Variants in ALDH8A1 observed in about 807,000 individuals in gnomAD.
ALDH8A1 encodes aldehyde dehydrogenase 8 family member A1.
ALDH8A1 carries 39 observed loss-of-function variants against 43.3 expected under a neutral mutation model. The observed-to-expected ratio is 0.90, with a 90% CI of 0.70 to 1.18. ALDH8A1 has a LOEUF of 1.18. ALDH8A1 is among the 50% of genes most tolerant of loss of function. ALDH8A1 has a pLI of 0.00. For missense variants in ALDH8A1, 605 were observed against 622.6 expected (o/e 0.97, Z 0.30); for synonymous variants, 233 against 243.5 (o/e 0.96, Z 0.40).
rs191974654 is a variant in ALDH8A1, at chr6:134,936,438, C to T, written c.592+2828G>A. Among the ~76,000 whole-genome samples the T allele has an allele frequency of 6.8e-3, 1,032 of 152,250 alleles. 6 individuals are homozygous for T. Among genetic ancestry groups the T allele is most frequent in the Non-Finnish European group, 0.012 (827 of 68,030 alleles). ...GGATCCCCCTCAGTAGGTGATGCGACGAAACAAGGACAAGTCTCCCACAGT... is the reference window on the plus strand; with the variant it reads ...GGATCCCCCTCAGTAGGTGATGCGATGAAACAAGGACAAGTCTCCCACAGT... On this transcript the variant is annotated intron_variant, in intron 4 of 6. Transcript: ENST00000265605.
intron 1 of ALDH8A1, among the ~76,000 whole-genome samples, chr6:134,944,621 T>C (rs1239371486): frequency 3.9e-5 from 6 of 152,146 alleles, no homozygotes; most frequent in Admixed American, 1.3e-4. Context: ...TGGTGGCTCA[T>C]GCCTGTAATC....
chr6:134,946,458 A>G (rs1037002360), intron 1 of ALDH8A1, among the ~76,000 whole-genome samples: 39 of 152,358 alleles, frequency 2.6e-4, no homozygotes, highest in African/African-American at 9.1e-4. Flanking sequence ...ATGTCCATGT[A>G]ATATAGAATA....
At position 134,923,229 on chromosome 6, in the gene ALDH8A1, C is replaced by T. The variant is rs368328932; in HGVS notation, c.1012-4362G>A. Among the ~76,000 whole-genome samples the T allele has an allele frequency of 9.2e-5, 14 of 151,944 alleles. No homozygotes were observed. In the South Asian group the frequency reaches 1.5e-3, roughly 16 times the overall value. ...ATAATTTTTAGAGACAGGGTTTTGC[C>T]ATGTTGCCCAGGCTGCTCTGGAACA... On this transcript the variant is annotated intron_variant, in intron 6 of 6. Transcript: ENST00000265605.
intron 6 of ALDH8A1, among the ~76,000 whole-genome samples, chr6:134,922,038 A>G (rs141643659): frequency 2.2e-4 from 34 of 152,370 alleles, no homozygotes; most frequent in Admixed American, 3.9e-4. Flanking sequence ...GTGTAAAGCC[A>G]TATCTCATTT....
At chr6:134,941,945 C>A (rs1000124967) in intron 3 of ALDH8A1, among the ~76,000 whole-genome samples, 19 of 151,572 alleles carry the variant, frequency 1.3e-4, no homozygotes, top group African/African-American at 4.6e-4. Context: ...TGAGGCCTGG[C>A]GTGGTGGCTC....
At chr6:134,923,349 A>G (rs1275548870) in intron 6 of ALDH8A1, among the ~76,000 whole-genome samples, 1 of 151,910 alleles carries the variant, frequency 6.6e-6, no homozygotes, top group Admixed American at 6.6e-5. Context: ...TAAAAAAAAA[A>G]GAAAGAAAAA....
chr6:134,922,634 C>A (rs749414572), intron 6 of ALDH8A1, among the ~76,000 whole-genome samples: 1 of 152,008 alleles, frequency 6.6e-6, no homozygotes, highest in Admixed American at 6.6e-5. Context: ...GTGATCCACC[C>A]GCCTCAGCCA....
chr6:134,924,157 G>A (rs565666472), intron 6 of ALDH8A1, among the ~76,000 whole-genome samples: 9 of 152,234 alleles, frequency 5.9e-5, no homozygotes, highest in African/African-American at 2.2e-4. Flanking sequence ...AAGGAGGGCC[G>A]GCCAGAGAGG....
intron 6 of ALDH8A1, among the ~76,000 whole-genome samples, chr6:134,924,384 G>T (rs1776852616): frequency 6.6e-6 from 1 of 152,154 alleles, no homozygotes; most frequent in African/African-American, 2.4e-5. Context: ...TTTCTACAAG[G>T]ATGTTTATAC....
intron 3 of ALDH8A1, 94 bp downstream of exon 3, chr6:134,942,315 T>C: frequency 7.2e-7 from 1 of 1,381,134 alleles, no homozygotes; most frequent in African/African-American, 1.5e-5. Flanking sequence ...AGCTCTTCCT[T>C]TTCTTTAACC....
chr6:134,950,031 A>G lies in ALDH8A1; in HGVS notation c.23T>C (p.Leu8Ser). 2 of 1,612,750 alleles carry G rather than the reference A, an allele frequency of 1.2e-6. No individual in the cohort carries two copies. Among genetic ancestry groups the G allele is most frequent in the Non-Finnish European group, 8.5e-7 (1 of 1,179,400 alleles). Residue 8 changes from leucine to serine, a missense_variant, in exon 1 of 7, where the codon TTG becomes TCG. By Grantham distance (145) the Leu-to-Ser change is moderately radical. Transcript: ENST00000265605. The part of the protein sequence containing the change: MAGTNAL[L>S]MLENFIDGKF... Reference sequence around the variant, plus strand: ...TCCATCTATGAAGTTTTCCAGCATCAAAAGTGCGTTTGTTCCAGCCATAGC... The same window carrying G: ...TCCATCTATGAAGTTTTCCAGCATCGAAAGTGCGTTTGTTCCAGCCATAGC...
rs1442435310 is a variant in ALDH8A1, at chr6:134,942,583, A to G, written c.287-19T>C. ...GTTTTCCCTGTAAGAAGCAAACAAC[A>G]TAAAGCACTATCAGCTAATGGGGAC... On this transcript the variant is annotated intron_variant, in intron 2 of 6. Coordinates refer to ENST00000265605, the MANE Select transcript of ALDH8A1 (RefSeq NM_022568.4). 1.2e-6 allele frequency: 2 copies of G among 1,606,646 alleles called. No homozygotes were observed. The highest frequency in any genetic ancestry group is 2.7e-5 in the African/African-American group (2 of 74,836).
intron 4 of ALDH8A1, among the ~76,000 whole-genome samples, chr6:134,936,508 T>G (rs1198788245): frequency 6.6e-6 from 1 of 152,094 alleles, no homozygotes; most frequent in Non-Finnish European, 1.5e-5. Flanking sequence ...GGGGCATGCA[T>G]GTGGGTGGAT....
Position 134,918,568 on chromosome 6 carries a change from C to G in ALDH8A1, c.1311G>C (p.Lys437Asn). The part of the protein sequence containing the change: ...NVGRVHRVAK[K>N]LQSGLVWTNC... ...TGGTCCAGACCAAGCCAGACTGCAG[C>G]TTCTTAGCCACCCGGTGGACGCGCC... Residue 437 changes from lysine (K) to asparagine (N), a missense_variant, in exon 7 of 7, where the codon AAG becomes AAC. By Grantham distance (94) the Lys-to-Asn change is moderately conservative. Coordinates refer to ENST00000265605, the MANE Select transcript of ALDH8A1 (RefSeq NM_022568.4). 6.2e-7 allele frequency: 1 copy of G among 1,614,218 alleles called. No homozygotes were observed. Among genetic ancestry groups the G allele is most frequent in the Non-Finnish European group, 8.5e-7 (1 of 1,180,040 alleles).
intron 1 of ALDH8A1, among the ~76,000 whole-genome samples, chr6:134,944,397 C>A (rs1773916836): frequency 6.6e-6 from 1 of 152,026 alleles, no homozygotes; most frequent in Admixed American, 6.6e-5. Flanking sequence ...TCAACATGTC[C>A]CAGTGCTGAG....
chr6:134,918,466 C>T lies in ALDH8A1; in HGVS notation c.1413G>A (p.Lys471=), dbSNP rs768112067. 6 of 1,614,042 alleles carry T rather than the reference C, an allele frequency of 3.7e-6. No homozygotes were observed. Among genetic ancestry groups the T allele is most frequent in the Non-Finnish European group, 4.2e-6 (5 of 1,180,034 alleles). ...KSSGIGREGA[K]DSYDFFTEIK... is the part of the protein sequence containing the mutation. ...TCTCAGTGAAGAAGTCGTAAGAGTC[C>T]TTGGCTCCCTCTCTACCTATTCCAG... is the stretch of plus-strand genomic sequence containing the variant. The change falls in exon 7 of 7, where the codon AAG becomes AAA. Residue 471 remains lysine (K), a synonymous_variant. Coordinates refer to ENST00000265605, the MANE Select transcript of ALDH8A1 (RefSeq NM_022568.4).
At chr6:134,929,779 T>C (rs1248017530) in intron 5 of ALDH8A1, among the ~76,000 whole-genome samples, 7 of 152,102 alleles carry the variant, frequency 4.6e-5, no homozygotes, top group Non-Finnish European at 2.9e-5. Context: ...TCTCATAGGT[T>C]CATAAAGAGA....
chr6:134,932,748 G>A (rs186648229), intron 5 of ALDH8A1, 28 bp downstream of exon 5: 43 of 1,608,324 alleles, frequency 2.7e-5, no homozygotes, highest in Non-Finnish European at 3.5e-5. Flanking sequence ...GCCATGGAGG[G>A]GAGGGAGAAG....
chr6:134,928,606 T>C (rs776630954), intron 6 of ALDH8A1, among the ~76,000 whole-genome samples: 2 of 152,234 alleles, frequency 1.3e-5, no homozygotes, highest in African/African-American at 2.4e-5. Context: ...CTATCAGTGG[T>C]TTCTTCCAGA....
Sources: allele counts gnomAD v4.1 joint callset (sites outside exome capture counted in the v4.1 genomes callset), GRCh38; gene constraint gnomAD v4.1.1; transcripts MANE v1.5; gene names NCBI Gene and HGNC (gene_info 2026-07-23, HGNC 2026-07-21).